Variants in SLC25A21 observed in about 807,000 individuals in gnomAD.
SLC25A21 encodes the protein solute carrier family 25 member 21, also known as mitochondrial 2-oxodicarboxylate carrier.
In SLC25A21, 47 loss-of-function variants were observed where a neutral mutation model predicts 43.8. The observed-to-expected ratio is 1.07, with a 90% CI of 0.85 to 1.37. SLC25A21 has a LOEUF of 1.37. Among genes scored for constraint, SLC25A21 ranks in the 40% most tolerant of loss-of-function variants. The pLI, the probability that SLC25A21 is intolerant of heterozygous loss-of-function variation, is 0.00. For missense variants in SLC25A21, 352 were observed against 350.2 expected (o/e 1.00, Z -0.04); for synonymous variants, 131 against 121.3 (o/e 1.08, Z -0.52).
rs118149271 is a variant in SLC25A21 at position 37,129,589 on chromosome 14, T to C, written c.70+42692A>G. Among the ~76,000 whole-genome samples, 83 of 152,008 alleles carry C rather than the reference T, an allele frequency of 5.5e-4. No homozygotes were observed. In the East Asian group the frequency reaches 0.016, roughly 30 times the overall value. ...GGATTGATCCTAGATAGAGGAAAGC[T>C]GTGAACTGCCGCAGGTCCAATATTC... On this transcript the variant is annotated intron_variant, in intron 1 of 9. Transcript: ENST00000331299.
chr14:37,171,293 A>G (rs1404561579), intron 1 of SLC25A21, among the ~76,000 whole-genome samples: 1 of 152,234 alleles, frequency 6.6e-6, no homozygotes, highest in Non-Finnish European at 1.5e-5. Flanking sequence ...AGATCATGAC[A>G]TAATGATAAC....
chr14:37,075,186 G>C (rs985959099), intron 1 of SLC25A21, among the ~76,000 whole-genome samples: 1 of 151,790 alleles, frequency 6.6e-6, no homozygotes, highest in African/African-American at 2.4e-5. Flanking sequence ...AATACCTCTC[G>C]ACTTAACGTT....
intron 1 of SLC25A21, among the ~76,000 whole-genome samples, chr14:36,981,743 C>T (rs28583769): frequency 0.047 from 7,080 of 151,992 alleles, 572 homozygotes; most frequent in African/African-American, 0.16. Flanking sequence ...ATGTAAATGA[C>T]GAGTTAATGG....
intron 1 of SLC25A21, among the ~76,000 whole-genome samples, chr14:36,916,208 C>T (rs1029678576): frequency 2.6e-5 from 4 of 152,156 alleles, no homozygotes; most frequent in Admixed American, 6.5e-5. Context: ...TTTGGACTGT[C>T]GTCAATATGA....
At chr14:36,896,378 T>C (rs1336692996) in intron 1 of SLC25A21, among the ~76,000 whole-genome samples, 1 of 152,168 alleles carries the variant, frequency 6.6e-6, no homozygotes, top group Admixed American at 6.5e-5. Flanking sequence ...CCTTTTTTTG[T>C]TTTCCATTTG....
At chr14:36,743,806 T>C (rs1263655576) in intron 3 of SLC25A21, among the ~76,000 whole-genome samples, 1 of 152,088 alleles carries the variant, frequency 6.6e-6, no homozygotes, top group Admixed American at 6.6e-5. Context: ...AACCACAAAA[T>C]ACTCCTAGAT....
intron 1 of SLC25A21, among the ~76,000 whole-genome samples, chr14:37,166,774 A>G (rs1033323416): frequency 6.6e-6 from 1 of 152,224 alleles, no homozygotes; most frequent in African/African-American, 2.4e-5. Flanking sequence ...AGGTAGAGAT[A>G]TATCTTCTTG....
chr14:37,004,672 G>C (rs1040294140), intron 1 of SLC25A21, among the ~76,000 whole-genome samples: 6 of 152,162 alleles, frequency 3.9e-5, no homozygotes, highest in Non-Finnish European at 8.8e-5. Context: ...TCAGCCTGCT[G>C]AGGGCTCCTC....
At chr14:36,961,824 T>C (rs1959499892) in intron 1 of SLC25A21, among the ~76,000 whole-genome samples, 1 of 152,188 alleles carries the variant, frequency 6.6e-6, no homozygotes, top group Non-Finnish European at 1.5e-5. Flanking sequence ...GTAAGTATTC[T>C]CTGATTCCTA....
At chr14:36,882,615 TGAA>T (rs1327749819) in intron 1 of SLC25A21, among the ~76,000 whole-genome samples, 1 of 152,086 alleles carries the variant, frequency 6.6e-6, no homozygotes, top group East Asian at 1.9e-4. Flanking sequence ...TGAAACCCAC[TGAA>T]GAAGTTCTCT....
chr14:37,103,945 T>C (rs1962864392), intron 1 of SLC25A21, among the ~76,000 whole-genome samples: 1 of 152,152 alleles, frequency 6.6e-6, no homozygotes, highest in African/African-American at 2.4e-5. Flanking sequence ...TTGGAAGTGA[T>C]CCTGACCCAA....
chr14:36,938,423 C>T (rs188134235), intron 1 of SLC25A21, among the ~76,000 whole-genome samples: 193 of 152,176 alleles, frequency 1.3e-3, no homozygotes, highest in Middle Eastern at 3.4e-3. Flanking sequence ...TTAATTAGGG[C>T]AAAGTTCTGT....
At chr14:37,101,318 C>A (rs755019381) in intron 1 of SLC25A21, among the ~76,000 whole-genome samples, 3 of 152,106 alleles carry the variant, frequency 2.0e-5, no homozygotes, top group South Asian at 2.1e-4. Flanking sequence ...CGTGAGCACA[C>A]AGAAGTTTTA....
chr14:36,818,477 TGG>T (rs1888526923), intron 2 of SLC25A21, among the ~76,000 whole-genome samples: 2 of 152,180 alleles, frequency 1.3e-5, no homozygotes, highest in Non-Finnish European at 1.5e-5. Flanking sequence ...TGGGCAGGCA[TGG>T]TAACTGCTAA....
At chr14:37,032,527 C>T (rs942167023) in intron 1 of SLC25A21, among the ~76,000 whole-genome samples, 1 of 152,016 alleles carries the variant, frequency 6.6e-6, no homozygotes, top group African/African-American at 2.4e-5. Flanking sequence ...CAGAGCAAGA[C>T]ACTGTCTCAA....
chr14:36,868,351 A>C (rs760566201), intron 2 of SLC25A21, among the ~76,000 whole-genome samples: 56 of 152,152 alleles, frequency 3.7e-4, no homozygotes, highest in Non-Finnish European at 5.9e-4. Context: ...GGAGGTTCTC[A>C]AAGGAGACCT....
chr14:36,964,513 T>C (rs930369897), intron 1 of SLC25A21, among the ~76,000 whole-genome samples: 2 of 152,224 alleles, frequency 1.3e-5, no homozygotes, highest in Non-Finnish European at 2.9e-5. Context: ...AAGTTACTTA[T>C]ATCCATGAGA....
At chr14:36,751,959 A>G (rs1424392880) in intron 3 of SLC25A21, among the ~76,000 whole-genome samples, 4 of 146,468 alleles carry the variant, frequency 2.7e-5, no homozygotes, top group Non-Finnish European at 5.9e-5. Context: ...CAGTAAATTC[A>G]TTCATGCATT....
intron 2 of SLC25A21, among the ~76,000 whole-genome samples, chr14:36,843,239 C>T (rs1405821837): frequency 2.0e-5 from 3 of 152,126 alleles, no homozygotes; most frequent in East Asian, 3.9e-4. Context: ...TCTTCTCCAT[C>T]GTGCCAGAGA....
Sources: allele counts gnomAD v4.1 joint callset (sites outside exome capture counted in the v4.1 genomes callset), GRCh38; gene constraint gnomAD v4.1.1; transcripts MANE v1.5; gene names NCBI Gene and HGNC (gene_info 2026-07-23, HGNC 2026-07-21).